The following ZFHX3 variants were observed in gnomAD, a reference collection of about 807,000 sequenced individuals.
The protein encoded by ZFHX3 is zinc finger homeobox 3, also known as zinc finger homeobox protein 3.
ZFHX3 carries 42 observed loss-of-function variants against 279.1 expected under a neutral mutation model. The ratio of observed to expected loss-of-function variants is 0.15; its 90% CI spans 0.12 to 0.19. ZFHX3 has a LOEUF of 0.19. ZFHX3 is among the 10% of genes least tolerant of loss of function. ZFHX3 has a pLI of 1.00. For missense variants in ZFHX3, 4,981 were observed against 4,754.0 expected, an observed-to-expected ratio of 1.05 and a Z score of -1.40; for synonymous variants, 2,293 against 1,957.8, an observed-to-expected ratio of 1.17 and a Z score of -4.52.
chr16:73,783,852 A>T (rs1201665165), intron 1 of ZFHX3, among the ~76,000 whole-genome samples: 1 of 152,214 alleles, frequency 6.6e-6, no homozygotes, highest in African/African-American at 2.4e-5. Flanking sequence ...GTAGGAAATT[A>T]CATAGAGTTG....
At chr16:72,889,600 G>C (rs1567567120) in intron 4 of ZFHX3, 131 bp downstream of exon 4, 2 of 812,030 alleles carry the variant, frequency 2.5e-6, no homozygotes, top group Admixed American at 5.8e-5. Context: ...ATGCTCACCT[G>C]TGAAGTCAGT....
chr16:73,643,331 A>G (rs1597043389), intron 2 of ZFHX3, among the ~76,000 whole-genome samples: 1 of 152,300 alleles, frequency 6.6e-6, no homozygotes, highest in Non-Finnish European at 1.5e-5. Context: ...TTTTCTGGAG[A>G]TATTTTTAAG....
intron 3 of ZFHX3, among the ~76,000 whole-genome samples, chr16:72,898,681 C>T (rs886707962): frequency 3.5e-4 from 52 of 146,966 alleles, no homozygotes; most frequent in African/African-American, 1.3e-3. Flanking sequence ...ACTGTTTATA[C>T]ATGGGGAGGA....
intron 1 of ZFHX3, among the ~76,000 whole-genome samples, chr16:72,975,064 A>G (rs1475506356): frequency 6.6e-6 from 1 of 152,174 alleles, no homozygotes. Context: ...ACCAGGACGC[A>G]AGGGCTTTGA....
chr16:72,928,225 G>A (rs148568221), intron 3 of ZFHX3, among the ~76,000 whole-genome samples: 3,152 of 77,964 alleles, frequency 0.04, 776 homozygotes, highest in African/African-American at 0.071. Flanking sequence ...GGGGAGCGAG[G>A]GGGAGCGAGA....
intron 3 of ZFHX3, among the ~76,000 whole-genome samples, chr16:73,435,654 C>A (rs764553672): frequency 6.6e-6 from 1 of 152,180 alleles, no homozygotes; most frequent in East Asian, 1.9e-4. Flanking sequence ...CAAAACTGCC[C>A]GGGATGAGCA....
chr16:73,365,307 A>G (rs2016511581), intron 3 of ZFHX3, among the ~76,000 whole-genome samples: 1 of 152,180 alleles, frequency 6.6e-6, no homozygotes, highest in Admixed American at 6.5e-5. Context: ...GGGGATGCAG[A>G]CGAGAGCTGG....
intron 1 of ZFHX3, among the ~76,000 whole-genome samples, chr16:73,695,491 C>G (rs1296446189): frequency 6.6e-6 from 1 of 152,110 alleles, no homozygotes; most frequent in African/African-American, 2.4e-5. Flanking sequence ...AAACTGCTTG[C>G]CCAAGACCAC....
chr16:73,431,867 G>A (rs2017917410), intron 3 of ZFHX3, among the ~76,000 whole-genome samples: 1 of 152,124 alleles, frequency 6.6e-6, no homozygotes, highest in Non-Finnish European at 1.5e-5. Context: ...TAGTGTCATT[G>A]GAGGTGAGTC....
At chr16:73,710,526 C>T (rs951745534) in intron 1 of ZFHX3, among the ~76,000 whole-genome samples, 10 of 152,256 alleles carry the variant, frequency 6.6e-5, no homozygotes, top group Non-Finnish European at 1.0e-4. Flanking sequence ...GAGGTTGCAC[C>T]GCTTGAGTTT....
intron 4 of ZFHX3, among the ~76,000 whole-genome samples, chr16:73,279,626 T>G (rs1017927204): frequency 4.6e-5 from 7 of 152,124 alleles, no homozygotes; most frequent in Non-Finnish European, 1.0e-4. Context: ...TTCGTTCATG[T>G]GGTTTTGGAT....
chr16:72,962,890 C>T (rs552124799), intron 1 of ZFHX3, among the ~76,000 whole-genome samples: 3 of 152,058 alleles, frequency 2.0e-5, no homozygotes, highest in African/African-American at 7.2e-5. Flanking sequence ...GAGGGGGACG[C>T]GCGCACAGAG....
chr16:73,362,197 G>C lies in ZFHX3; in HGVS notation c.-1290-43861C>G, dbSNP rs1299378084. ...TACATTCCCTACGTAAGGAATATTTGTATCTGGGGAGAGGAATTAGGAGAA... is the reference window on the plus strand; with the variant it reads ...TACATTCCCTACGTAAGGAATATTTCTATCTGGGGAGAGGAATTAGGAGAA... On this transcript the variant is annotated intron_variant, in intron 3 of 17. Transcript: ENST00000641206. 2.0e-5 allele frequency among the ~76,000 whole-genome samples: 3 copies of C among 152,166 alleles called. No homozygotes were observed. In the East Asian group the frequency reaches 5.8e-4, roughly 29 times the overall value.
intron 3 of ZFHX3, among the ~76,000 whole-genome samples, chr16:73,454,724 T>G (rs2018342277): frequency 6.6e-6 from 1 of 152,140 alleles, no homozygotes; most frequent in Non-Finnish European, 1.5e-5. Flanking sequence ...AAAGAGTGTG[T>G]GTGGCTCAGG....
chr16:72,810,108 T>C (rs1358480851), intron 7 of ZFHX3, among the ~76,000 whole-genome samples: 3 of 152,046 alleles, frequency 2.0e-5, no homozygotes, highest in East Asian at 3.9e-4. Flanking sequence ...ATGGTCTCGA[T>C]CTCCTGACCT....
rs556730062 is a variant in ZFHX3 at position 73,467,319 on chromosome 16, A to T, written c.-1546-11061T>A. 1.1e-4 allele frequency among the ~76,000 whole-genome samples: 16 copies of T among 152,326 alleles called. 1 individual carries two copies. The South Asian group carries it at 1.9e-3, about 18-fold the overall frequency. On this transcript the variant is annotated intron_variant, in intron 2 of 17. Coordinates refer to the ZFHX3 transcript ENST00000641206. ...GGTTGCCACTTCCATTAACTGCCCA[A>T]TAACTTCAGGTGTTGGAATAGACAA...
At chr16:73,078,402 T>A (rs1468451497) in intron 8 of ZFHX3, among the ~76,000 whole-genome samples, 1 of 152,216 alleles carries the variant, frequency 6.6e-6, no homozygotes, top group Non-Finnish European at 1.5e-5. Flanking sequence ...TGGGTATCTC[T>A]AGGGCTTGGG....
At chr16:73,196,071 A>G (rs1370015350) in intron 5 of ZFHX3, among the ~76,000 whole-genome samples, 1 of 151,664 alleles carries the variant, frequency 6.6e-6, no homozygotes, top group Non-Finnish European at 1.5e-5. Flanking sequence ...CTGTAAAATT[A>G]ATTTTGACTT....
chr16:73,169,565 C>T (rs1164192877), intron 5 of ZFHX3, among the ~76,000 whole-genome samples: 1 of 151,868 alleles, frequency 6.6e-6, no homozygotes, highest in Non-Finnish European at 1.5e-5. Context: ...TCACTTGAAC[C>T]TGGGAGGCAG....
Sources: allele counts gnomAD v4.1 joint callset (sites outside exome capture counted in the v4.1 genomes callset), GRCh38; gene constraint gnomAD v4.1.1; transcripts MANE v1.5; gene names NCBI Gene and HGNC (gene_info 2026-07-23, HGNC 2026-07-21).